CALN1: variants seen among roughly 807,000 people sequenced by gnomAD.
The protein encoded by CALN1 is calneuron 1.
Under a neutral mutation model 30.6 loss-of-function variants are expected in CALN1, and 17 were observed. That is an observed-to-expected ratio of 0.56 (90% CI 0.38 to 0.83). The LOEUF (loss-of-function observed/expected upper bound fraction) is 0.83, where lower values mean the gene tolerates loss of function less well. Among genes scored for constraint, CALN1 ranks in the 40% least tolerant of loss-of-function variants. The pLI, the probability that CALN1 is intolerant of heterozygous loss-of-function variation, is 0.00. For synonymous variants in CALN1, 156 were observed against 131.4 expected (o/e 1.19, Z -1.28); for missense variants, 291 against 354.9 (o/e 0.82, Z 1.45).
chr7:72,307,706 A>C (rs1431479313), intron 2 of CALN1, among the ~76,000 whole-genome samples: 1 of 152,184 alleles, frequency 6.6e-6, no homozygotes. Context: ...GACGCTGGTC[A>C]CAGACTTCCC....
At chr7:72,106,363 A>T in intron 3 of CALN1, 69 bp from the exon 4 acceptor site, 1 of 1,590,290 alleles carries the variant, frequency 6.3e-7, no homozygotes, top group East Asian at 2.2e-5. Flanking sequence ...GTTATTGGTG[A>T]TTGCCTACTG....
chr7:72,155,809 G>C (rs1787628088), intron 3 of CALN1, among the ~76,000 whole-genome samples: 1 of 152,114 alleles, frequency 6.6e-6, no homozygotes, highest in Non-Finnish European at 1.5e-5. Flanking sequence ...TCAAAGCAAG[G>C]TGGTAGCTGG....
At chr7:72,150,144 A>G (rs891001921) in intron 3 of CALN1, among the ~76,000 whole-genome samples, 4 of 137,044 alleles carry the variant, frequency 2.9e-5, no homozygotes, top group South Asian at 2.3e-4. Flanking sequence ...AAAAAAAAAA[A>G]CAGATAGAAG....
chr7:72,194,533 C>A (rs1390609896), intron 3 of CALN1, among the ~76,000 whole-genome samples: 2 of 148,914 alleles, frequency 1.3e-5, no homozygotes, highest in Non-Finnish European at 3.0e-5. Context: ...CTGTCTCAAA[C>A]AAAAACAAAA....
chr7:72,380,499 T>C (rs1337810256), intron 2 of CALN1, among the ~76,000 whole-genome samples: 1 of 152,148 alleles, frequency 6.6e-6, no homozygotes, highest in Non-Finnish European at 1.5e-5. Context: ...GGTGCGCATC[T>C]GTAGTTCCAG....
intron 2 of CALN1, among the ~76,000 whole-genome samples, chr7:72,396,422 C>CAAAA (rs56030535): frequency 1.8e-5 from 2 of 113,782 alleles, no homozygotes; most frequent in East Asian, 4.7e-4. Flanking sequence ...GACTCTGTCT[C>CAAAA]AAAAAAAAAA....
At chr7:72,039,770 TC>T (rs1434482358) in intron 4 of CALN1, among the ~76,000 whole-genome samples, 2 of 152,112 alleles carry the variant, frequency 1.3e-5, no homozygotes, top group Admixed American at 6.5e-5. Flanking sequence ...GAAAATGTCC[TC>T]CCCAAACCTC....
At chr7:72,350,246 A>G (rs1585558145) in intron 2 of CALN1, among the ~76,000 whole-genome samples, 2 of 152,218 alleles carry the variant, frequency 1.3e-5, no homozygotes, top group Admixed American at 6.5e-5. Context: ...AAGAACTCAG[A>G]ACAGAACAAG....
chr7:72,483,866 T>C, the CALN1 span, among the ~76,000 whole-genome samples: 2 of 152,272 alleles, frequency 1.3e-5, no homozygotes, highest in East Asian at 3.9e-4. Flanking sequence ...AATATTTGAT[T>C]TGTTATTAAC....
chr7:72,057,381 TTC>T (rs1284966591), intron 4 of CALN1, among the ~76,000 whole-genome samples: 24 of 122,500 alleles, frequency 2.0e-4, no homozygotes, highest in South Asian at 1.3e-3. Flanking sequence ...TTTTTAAATG[TTC>T]TTTTTTTTTT....
chr7:71,847,082 T>C (rs1013272281), intron 5 of CALN1, among the ~76,000 whole-genome samples: 1 of 151,502 alleles, frequency 6.6e-6, no homozygotes, highest in Non-Finnish European at 1.5e-5. Flanking sequence ...GAGCTGATGG[T>C]GTAGTTCCAG....
chr7:71,986,224 T>G (rs992254655), intron 5 of CALN1, among the ~76,000 whole-genome samples: 1 of 151,982 alleles, frequency 6.6e-6, no homozygotes, highest in Non-Finnish European at 1.5e-5. Flanking sequence ...ATTTTTGTAT[T>G]TTTAGTAGAG....
At chr7:72,427,388 C>T (rs533373889) in intron 1 of CALN1, among the ~76,000 whole-genome samples, 1 of 152,176 alleles carries the variant, frequency 6.6e-6, no homozygotes, top group East Asian at 1.9e-4. Flanking sequence ...CTGTCCAGAC[C>T]TCTCAAGCAG....
intron 5 of CALN1, among the ~76,000 whole-genome samples, chr7:71,851,250 C>CACAT (rs1562839575): frequency 2.0e-5 from 3 of 150,022 alleles, no homozygotes; most frequent in African/African-American, 7.5e-5. Flanking sequence ...CACACACACA[C>CACAT]ACATCACACA....
intron 1 of CALN1, among the ~76,000 whole-genome samples, chr7:72,438,521 T>C (rs1808247738): frequency 6.6e-6 from 1 of 152,188 alleles, no homozygotes; most frequent in African/African-American, 2.4e-5. Context: ...TTTTGCAAGG[T>C]CTTCTACCTG....
chr7:71,820,001 C>T (rs1239121943), intron 5 of CALN1, among the ~76,000 whole-genome samples: 2 of 152,174 alleles, frequency 1.3e-5, no homozygotes, highest in Middle Eastern at 3.2e-3. Context: ...TTATACCCTC[C>T]TCCCTTTTGG....
chr7:72,147,190 C>A (rs1384491670), intron 3 of CALN1, among the ~76,000 whole-genome samples: 8 of 152,026 alleles, frequency 5.3e-5, no homozygotes, highest in South Asian at 2.1e-4. Flanking sequence ...CAACCTACAG[C>A]ACGGGAGAAA....
intron 4 of CALN1, among the ~76,000 whole-genome samples, chr7:72,025,390 C>A (rs1167644199): frequency 6.6e-6 from 1 of 152,150 alleles, no homozygotes; most frequent in Non-Finnish European, 1.5e-5. Context: ...ATCTCACAAG[C>A]AAAAGATTGT....
At chr7:72,254,403 A>G (rs1307471279) in intron 3 of CALN1, among the ~76,000 whole-genome samples, 1 of 152,182 alleles carries the variant, frequency 6.6e-6, no homozygotes, top group East Asian at 1.9e-4. Flanking sequence ...TGTTAAGGCC[A>G]TGAAAGAACA....
Sources: allele counts gnomAD v4.1 joint callset (sites outside exome capture counted in the v4.1 genomes callset), GRCh38; gene constraint gnomAD v4.1.1; transcripts MANE v1.5; gene names NCBI Gene and HGNC (gene_info 2026-07-23, HGNC 2026-07-21).